ARID1B: variants seen among roughly 807,000 people sequenced by gnomAD.
The protein encoded by ARID1B is AT-rich interactive domain-containing protein 1B.
ARID1B carries 30 observed loss-of-function variants against 212.3 expected under a neutral mutation model. That is an observed-to-expected ratio of 0.14 (90% CI 0.11 to 0.19). The LOEUF is 0.19. Ranked by LOEUF, ARID1B falls within the 10% of genes least tolerant of loss-of-function variation. The pLI, the probability that ARID1B is intolerant of heterozygous loss-of-function variation, is 1.00. For synonymous variants in ARID1B, 1,402 were observed against 1,301.7 expected, an observed-to-expected ratio of 1.08 and a Z score of -1.66; for missense variants, 2,891 against 3,204.0, an observed-to-expected ratio of 0.90 and a Z score of 2.36.
At chr6:157,151,242 G>A (rs1373422258) in intron 8 of ARID1B, 2 of 152,122 alleles carry the variant, frequency 1.3e-5, no homozygotes, top group Non-Finnish European at 2.9e-5. Flanking sequence ...CCTGTGTTGT[G>A]CAGCGCTGTT....
chr6:156,881,272 C>T (rs1355339079), intron 2 of ARID1B, among the ~76,000 whole-genome samples: 3 of 152,106 alleles, frequency 2.0e-5, no homozygotes, highest in Non-Finnish European at 1.5e-5. Flanking sequence ...CCAGAAGTTG[C>T]TTTTCTGGAC....
At chr6:157,204,976 G>A (rs1794348322) in intron 19 of ARID1B, 1 of 152,128 alleles carries the variant, frequency 6.6e-6, no homozygotes, top group Admixed American at 6.6e-5. Context: ...TATTAATAAG[G>A]TCATAAACAT....
At chr6:157,039,341 T>TTTTTTTTTTTTTTTTTTTTTTGTGG in intron 4 of ARID1B, among the ~76,000 whole-genome samples, 1 of 138,138 alleles carries the variant, frequency 7.2e-6, no homozygotes. Flanking sequence ...TTTTTTTTTT[T>TTTTTTTTTTTTTTTTTTTTTTGTGG]GAGACGGAGT....
chr6:156,905,196 T>G (rs532882119), intron 3 of ARID1B, among the ~76,000 whole-genome samples: 1 of 150,798 alleles, frequency 6.6e-6, no homozygotes, highest in Non-Finnish European at 1.5e-5. Flanking sequence ...TCCAGAGGAC[T>G]GGAATCAATA....
At chr6:156,943,608 C>T (rs1039938238) in intron 4 of ARID1B, 25 of 152,002 alleles carry the variant, frequency 1.6e-4, no homozygotes, top group African/African-American at 7.2e-5. Context: ...TTACATTTTT[C>T]AGTGCACAGG....
intron 2 of ARID1B, among the ~76,000 whole-genome samples, chr6:156,862,526 G>C (rs1477696104): frequency 1.3e-5 from 2 of 152,218 alleles, no homozygotes; most frequent in African/African-American, 4.8e-5. Context: ...GTCATAAAAT[G>C]GATGGATGTG....
chr6:157,028,915 T>C (rs1463548209), intron 4 of ARID1B, among the ~76,000 whole-genome samples: 1 of 152,242 alleles, frequency 6.6e-6, no homozygotes, highest in Non-Finnish European at 1.5e-5. Context: ...AAAATTACTT[T>C]TTAAAATTGT....
intron 2 of ARID1B, among the ~76,000 whole-genome samples, chr6:156,843,097 C>T (rs1010503664): frequency 6.6e-6 from 1 of 152,132 alleles, no homozygotes; most frequent in South Asian, 2.1e-4. Flanking sequence ...GCGGTAGCAC[C>T]CTTCCAACAC....
intron 5 of ARID1B, among the ~76,000 whole-genome samples, chr6:157,104,622 A>G (rs9478749): frequency 0.036 from 5,446 of 152,356 alleles, 306 homozygotes; most frequent in African/African-American, 0.12. Context: ...TAAAAGACAT[A>G]TAATGGTGAA....
Position 157,021,158 on chromosome 6 carries a change from G to A in ARID1B, c.2248-63504G>A, listed in dbSNP as rs73005111. 2.8e-3 allele frequency among the ~76,000 whole-genome samples: 426 copies of A among 152,166 alleles called. 3 individuals are homozygous for A. Among genetic ancestry groups the A allele is most frequent in the Non-Finnish European group, 4.7e-3 (323 of 68,032 alleles). ...GAGAGGGTGTGAAGGACGCAGGACC[G>A]CTTTCAGGCCGCCAGCTCTCAGGCC... is the stretch of plus-strand genomic sequence containing the variant. On this transcript the variant is annotated intron_variant, in intron 4 of 19. Transcript: ENST00000636930.
At chr6:157,115,757 A>G (rs1206718350) in intron 6 of ARID1B, among the ~76,000 whole-genome samples, 1 of 152,208 alleles carries the variant, frequency 6.6e-6, no homozygotes, top group Non-Finnish European at 1.5e-5. Flanking sequence ...AAAGAAAATT[A>G]GTTCAGATTT....
intron 4 of ARID1B, among the ~76,000 whole-genome samples, chr6:156,961,254 G>A (rs1327072068): frequency 1.3e-5 from 2 of 152,240 alleles, no homozygotes; most frequent in Non-Finnish European, 2.9e-5. Context: ...AACACTGTAC[G>A]TTTAGTCAGC....
rs377286153 is a variant in ARID1B at position 157,198,694 on chromosome 6, C to G, written c.4383-117C>G. 3.0e-4 allele frequency: 229 copies of G among 774,006 alleles called. No homozygotes were observed. The African/African-American group carries it at 3.7e-3, about 12-fold the overall frequency. The allele number at this position is 774,006 out of a possible 1,614,324, so 47.9% of individuals were successfully genotyped here. ...AGAGGGCCTTTGTCGGAGGGGTGCG[C>G]AGTAAAAGCCACACAGAGCTGCTTG... is the stretch of plus-strand genomic sequence containing the variant. On this transcript the variant is annotated intron_variant, in intron 16 of 19. Transcript: ENST00000636930.
intron 1 of ARID1B, among the ~76,000 whole-genome samples, chr6:156,799,991 A>G (rs1583062574): frequency 6.6e-6 from 1 of 151,576 alleles, no homozygotes; most frequent in African/African-American, 2.4e-5. Context: ...CGGAACCCTC[A>G]CCCCCACCCC....
rs1792048323 is a variant in ARID1B, at chr6:156,934,915, TATATATATATATATATATATATATATA to T, written c.2137-550_2137-524del. ...TCATAATAAATTTAGTTGTTAATTA[TATATATATATATATATATATATATATA>T]TATATATATATATATATATAGTTTA... is the stretch of plus-strand genomic sequence containing the variant. On this transcript the variant is annotated intron_variant, in intron 3 of 19. Coordinates refer to ENST00000636930, the MANE Select transcript of ARID1B (RefSeq NM_001374828.1). Among the ~76,000 whole-genome samples, 41 of 39,012 alleles carry T rather than the reference TATATATATATATATATATATATATATA, an allele frequency of 1.1e-3. 1 individual carries two copies. In the East Asian group the frequency reaches 0.015, roughly 14 times the overall value. The allele number at this position is 39,012 out of a possible 152,430, so 25.6% of individuals were successfully genotyped here.
rs138443373 is a variant in ARID1B at position 157,109,842 on chromosome 6, T to C, written c.2492-630T>C. 2.6e-3 allele frequency among the ~76,000 whole-genome samples: 390 copies of C among 152,306 alleles called. 3 individuals are homozygous for C. Among genetic ancestry groups the C allele is most frequent in the African/African-American group, 8.8e-3 (367 of 41,570 alleles). ...TACATTATATTTGGAAAAGACAAAC[T>C]GAGCATACACTTAAAACTGGAAATT... On this transcript the variant is annotated intron_variant, in intron 5 of 19. Coordinates refer to ENST00000636930, the MANE Select transcript of ARID1B (RefSeq NM_001374828.1).
rs757809298 is a variant in ARID1B, at chr6:157,181,101, C to T, written c.3637C>T (p.Leu1213=). 5.6e-6 allele frequency: 9 copies of T among 1,614,086 alleles called. No homozygotes were observed. The African/African-American group carries it at 6.7e-5, about 12-fold the overall frequency. Residue 1213 remains leucine, a synonymous_variant, in exon 12 of 20, where the codon CTG becomes TTG. Transcript: ENST00000636930. The part of the protein sequence containing the change: ...MEERGSPVSS[L]PAVGKKPLDL... ...AGAGAGAGGCTCTCCTGTCTCAAGT[C>T]TGCCTGCCGTGGGCAAGAAGCCCCT...
At position 156,897,243 on chromosome 6, in the gene ARID1B, C is replaced by A. The variant is rs1171236826; in HGVS notation, c.1987-4133C>A. Among the ~76,000 whole-genome samples, 113 of 103,586 alleles carry A rather than the reference C, an allele frequency of 1.1e-3. 1 individual carries two copies. Among genetic ancestry groups the A allele is most frequent in the African/African-American group, 3.7e-3 (103 of 27,960 alleles). 68.0% of individuals were successfully genotyped at this position (103,586 alleles called of 152,430 possible). ...GCTTCTTCTTCTTCTTCTTCTTCTT[C>A]TTCTTCTTCTTCTTCTTCTTCTTAT... On this transcript the variant is annotated intron_variant, in intron 2 of 19. Coordinates refer to ENST00000636930, the MANE Select transcript of ARID1B (RefSeq NM_001374828.1).
intron 4 of ARID1B, among the ~76,000 whole-genome samples, chr6:157,069,877 G>A (rs571958587): frequency 2.0e-5 from 3 of 152,284 alleles, no homozygotes; most frequent in South Asian, 2.1e-4. Flanking sequence ...ACATGAAGCG[G>A]CATTCCAGCG....
Sources: allele counts gnomAD v4.1 joint callset (sites outside exome capture counted in the v4.1 genomes callset), GRCh38; gene constraint gnomAD v4.1.1; transcripts MANE v1.5; gene names NCBI Gene and HGNC (gene_info 2026-07-23, HGNC 2026-07-21).